Variants in EXOC1 observed in about 807,000 individuals in gnomAD.
EXOC1 encodes the protein SEC3-like 1.
In EXOC1, 67 loss-of-function variants were observed where a neutral mutation model predicts 107.7. The observed-to-expected ratio is 0.62, with a 90% confidence interval of 0.51 to 0.76. The LOEUF (loss-of-function observed/expected upper bound fraction) is 0.76, where lower values mean the gene tolerates loss of function less well. EXOC1 is among the 30% of genes least tolerant of loss of function. The pLI, the probability that EXOC1 is intolerant of heterozygous loss-of-function variation, is 0.00. For missense variants in EXOC1, 833 were observed against 1,055.7 expected (o/e 0.79, Z 2.92); for synonymous variants, 348 against 353.5 (o/e 0.98, Z 0.17).
intron 9 of EXOC1, among the ~76,000 whole-genome samples, chr4:55,881,523 G>A (rs573287753): frequency 3.3e-5 from 5 of 152,128 alleles, no homozygotes; most frequent in Admixed American, 6.5e-5. Flanking sequence ...AAGGTGGTCC[G>A]AGCACACCTT....
intron 8 of EXOC1, among the ~76,000 whole-genome samples, chr4:55,875,244 C>A (rs1429156409): frequency 6.6e-6 from 1 of 152,086 alleles, no homozygotes; most frequent in Non-Finnish European, 1.5e-5. Flanking sequence ...ATTTCTTTTA[C>A]AAAAATTGTT....
chr4:55,896,752 C>T lies in EXOC1; in HGVS notation c.1989C>T (p.Ile663=). The part of the protein sequence containing the change: ...NQIRQMEEVK[I]SKKSKVGILP... The stretch of plus-strand genomic sequence containing the variant: ...TAAGGCAAATGGAAGAAGTAAAGAT[C>T]TCAAAAAAGAGTAAAGTTGGAATTC... Residue 663 remains isoleucine (I), a synonymous_variant, in exon 16 of 19, where the codon ATC becomes ATT. Transcript: ENST00000381295. The T allele has an allele frequency of 6.2e-7, 1 of 1,609,678 alleles. No individual in the cohort carries two copies. Among genetic ancestry groups the T allele is most frequent in the East Asian group, 2.2e-5 (1 of 44,666 alleles).
At chr4:55,890,475 G>T (rs1577752019) in intron 12 of EXOC1, 89 bp downstream of exon 12, 3 of 1,126,842 alleles carry the variant, frequency 2.7e-6, no homozygotes, top group Non-Finnish European at 3.8e-6. Context: ...CAAAGATTTG[G>T]GTTCTTCTGG....
At chr4:55,891,517 A>G in intron 13 of EXOC1, 95 bp downstream of exon 13, 1 of 862,346 alleles carries the variant, frequency 1.2e-6, no homozygotes. Context: ...AGAAGAGAAA[A>G]GGAAAGAATT....
intron 8 of EXOC1, chr4:55,876,873 C>T: frequency 8.1e-6 from 8 of 985,272 alleles, no homozygotes; most frequent in Non-Finnish European, 9.6e-6. Flanking sequence ...AATTTTCCAA[C>T]AGACTGATTT....
chr4:55,875,589 T>C, intron 8 of EXOC1: 2 of 985,206 alleles, frequency 2.0e-6, no homozygotes. Flanking sequence ...CATTTGTGCC[T>C]GAGTAAACAG....
At chr4:55,881,222 C>T (rs1180551014) in intron 9 of EXOC1, among the ~76,000 whole-genome samples, 1 of 152,114 alleles carries the variant, frequency 6.6e-6, no homozygotes, top group East Asian at 1.9e-4. Flanking sequence ...CTGCTACCTT[C>T]GTCTGCAACT....
At chr4:55,886,652 C>T (rs1021535742) in intron 10 of EXOC1, among the ~76,000 whole-genome samples, 1 of 150,880 alleles carries the variant, frequency 6.6e-6, no homozygotes, top group Non-Finnish European at 1.5e-5. Context: ...ATAGAAATCT[C>T]ATTTTAGAAT....
chr4:55,888,890 A>G lies in EXOC1; in HGVS notation c.1333A>G (p.Thr445Ala). ...GTTKESKKFA[T>A]LPRKESAVKQ... ...GCTTGCAACCTAATCCATCACAGCT[A>G]CACTGCCTCGAAAAGAAAGTGCTGT... The change falls in exon 11 of 19, where the codon ACA (threonine) becomes GCA (alanine). Residue 445 changes from threonine to alanine, a missense_variant and splice_region_variant. By Grantham distance (58) the Thr-to-Ala change is moderately conservative (BLOSUM62 0). Transcript: ENST00000381295. 1 of 1,613,724 alleles carries G rather than the reference A, an allele frequency of 6.2e-7. No homozygotes were observed. Among genetic ancestry groups the G allele is most frequent in the South Asian group, 1.1e-5 (1 of 91,062 alleles).
chr4:55,872,519 A>G (rs1722540770), intron 8 of EXOC1, among the ~76,000 whole-genome samples: 1 of 152,008 alleles, frequency 6.6e-6, no homozygotes, highest in East Asian at 1.9e-4. Context: ...TATTAAGAGT[A>G]CCTTTGAGGG....
chr4:55,875,432 T>C, intron 8 of EXOC1: 1 of 982,374 alleles, frequency 1.0e-6, no homozygotes, highest in Non-Finnish European at 1.2e-6. Flanking sequence ...TGAAAATTTA[T>C]TCAAATTTTG....
chr4:55,863,737 A>G (rs1721694858), intron 3 of EXOC1, among the ~76,000 whole-genome samples: 1 of 152,240 alleles, frequency 6.6e-6, no homozygotes, highest in Non-Finnish European at 1.5e-5. Context: ...TTGTTCTTAG[A>G]AAGTACACCA....
In EXOC1 at chr4:55,902,501, T is replaced by A; in HGVS notation, c.2495T>A (p.Val832Asp). Residue 832 changes from valine (V) to aspartate (D), a missense_variant, in exon 18 of 19, where the codon GTT becomes GAT. Transcript: ENST00000381295. ...GGTCTAGATAACCTCTACAAGAAAG[T>A]TGATAAACATTTATGTGAAGAAGAG... ...KKGLDNLYKK[V>D]DKHLCEEENL... 1 of 1,548,820 alleles carries A rather than the reference T, an allele frequency of 6.5e-7. No individual in the cohort carries two copies. The highest frequency in any genetic ancestry group is 8.7e-7 in the Non-Finnish European group (1 of 1,155,266).
rs111701107 is a variant in EXOC1, at chr4:55,854,529, G to C, written c.-11+576G>C. Among the ~76,000 whole-genome samples, 279 of 152,286 alleles carry C rather than the reference G, an allele frequency of 1.8e-3. 2 individuals carry two copies. Among genetic ancestry groups the C allele is most frequent in the African/African-American group, 6.0e-3 (249 of 41,548 alleles). On this transcript the variant is annotated intron_variant, in intron 1 of 18. Transcript: ENST00000381295. ...TGAAGAGTTAATCACTCGACTCTTA[G>C]GATGTAAATGCCATAGAAACACCCG...
chr4:55,855,392 C>A (rs1720866665), intron 1 of EXOC1, among the ~76,000 whole-genome samples: 1 of 152,020 alleles, frequency 6.6e-6, no homozygotes, highest in Non-Finnish European at 1.5e-5. Flanking sequence ...AGATTTTGAA[C>A]CTGGACATTT....
chr4:55,868,633 C>A, intron 5 of EXOC1, 110 bp downstream of exon 5: 1 of 872,698 alleles, frequency 1.1e-6, no homozygotes, highest in Middle Eastern at 2.4e-4. Context: ...GTGTTATTGC[C>A]ATCTTTATCT....
In EXOC1 at chr4:55,890,015, T is replaced by G. The variant is rs1724327997; in HGVS notation, c.1376-208T>G. ...TTCTATGGATCTGTGTAGTTTCGCT[T>G]CTTTTTTCAATATGCTCAGAATTAG... On this transcript the variant is annotated intron_variant, in intron 11 of 18. Transcript: ENST00000381295. Among the ~76,000 whole-genome samples, 6 of 152,186 alleles carry G rather than the reference T, an allele frequency of 3.9e-5. No individual in the cohort carries two copies. In the South Asian group the frequency reaches 1.2e-3, roughly 31 times the overall value.
chr4:55,901,726 G>A (rs1368598713), intron 17 of EXOC1, among the ~76,000 whole-genome samples: 1 of 151,948 alleles, frequency 6.6e-6, no homozygotes, highest in East Asian at 1.9e-4. Context: ...TGCTTATGAT[G>A]GTATAGTGAA....
chr4:55,893,795 T>C lies in EXOC1; in HGVS notation c.1953+15T>C. On this transcript the variant is annotated intron_variant, in intron 15 of 18. Transcript: ENST00000381295. Reference sequence around the variant, plus strand: ...ACAAATGCATTGTAAGTTTTCTTTTTTAAAAAAATACCTTAGCATCCTAGT... The same window carrying C: ...ACAAATGCATTGTAAGTTTTCTTTTCTAAAAAAATACCTTAGCATCCTAGT... The C allele has an allele frequency of 1.3e-6, 2 of 1,595,576 alleles. No homozygotes were observed. Among genetic ancestry groups the C allele is most frequent in the South Asian group, 1.1e-5 (1 of 89,036 alleles).
Sources: gnomAD v4.1 joint callset for allele counts (sites outside exome capture counted in the v4.1 genomes callset) on GRCh38, gnomAD v4.1.1 for gene constraint, MANE v1.5 for transcripts, NCBI Gene and HGNC (gene_info 2026-07-23, HGNC 2026-07-21) for gene names.